The following SUPT6H variants were observed in gnomAD, a reference collection of about 807,000 sequenced individuals.
The protein encoded by SUPT6H is SPT6 homolog, histone chaperone and transcription elongation factor, also known as transcription elongation factor SPT6.
A neutral mutation model predicts 222.3 loss-of-function variants in SUPT6H; 11 were observed. That is an observed-to-expected ratio of 0.05 (90% CI 0.03 to 0.08). The LOEUF is 0.08. Ranked by LOEUF, SUPT6H falls within the 10% of genes least tolerant of loss-of-function variation. The pLI is 1.00. For synonymous variants in SUPT6H, 762 were observed against 801.2 expected, an observed-to-expected ratio of 0.95 and a Z score of 0.83; for missense variants, 1,422 against 2,216.0, an observed-to-expected ratio of 0.64 and a Z score of 7.19.
At chr17:28,700,056 G>C (rs2032070224) in intron 33 of SUPT6H, 117 bp from the exon 34 acceptor site, 2 of 1,489,074 alleles carry the variant, frequency 1.3e-6, no homozygotes, top group Non-Finnish European at 1.9e-6. Context: ...TCCATCCACT[G>C]TGCCTATGCA....
intron 1 of SUPT6H, among the ~76,000 whole-genome samples, chr17:28,665,717 C>G (rs756544590): frequency 1.3e-5 from 2 of 152,068 alleles, no homozygotes; most frequent in South Asian, 2.1e-4. Context: ...GAGCTGAGAT[C>G]GTGCCACTAC....
At chr17:28,670,786 G>A (rs2030364115) in intron 1 of SUPT6H, 1 of 152,310 alleles carries the variant, frequency 6.6e-6, no homozygotes, top group Non-Finnish European at 1.5e-5. Flanking sequence ...TCGGGAGGCT[G>A]AGGCAGGAGA....
chr17:28,672,991 G>A (rs111617508), intron 1 of SUPT6H: 227 of 174,030 alleles, frequency 1.3e-3, no homozygotes, highest in African/African-American at 4.6e-3. Flanking sequence ...TCTCTTCTAA[G>A]AGTACAAAAA....
intron 29 of SUPT6H, among the ~76,000 whole-genome samples, chr17:28,695,812 T>C (rs1453985238): frequency 2.6e-5 from 4 of 152,162 alleles, no homozygotes; most frequent in Admixed American, 6.5e-5. Flanking sequence ...GAACATGTCC[T>C]TCATATCAGC....
At chr17:28,695,014 G>C (rs144798920) in intron 28 of SUPT6H, 18 of 242,332 alleles carry the variant, frequency 7.4e-5, no homozygotes, top group African/African-American at 2.3e-4. Flanking sequence ...AAAAAAGGAG[G>C]GGGGGTGTTG....
chr17:28,699,200 C>T (rs1005089479), intron 32 of SUPT6H, among the ~76,000 whole-genome samples: 1 of 152,190 alleles, frequency 6.6e-6, no homozygotes, highest in Non-Finnish European at 1.5e-5. Flanking sequence ...ACACCCACCC[C>T]ATAGGCTTCA....
chr17:28,692,695 C>T (rs1486437151), intron 27 of SUPT6H, among the ~76,000 whole-genome samples: 1 of 147,480 alleles, frequency 6.8e-6, no homozygotes, highest in African/African-American at 2.5e-5. Flanking sequence ...AACCCTATCT[C>T]TACAAAATAA....
intron 11 of SUPT6H, among the ~76,000 whole-genome samples, chr17:28,680,554 C>T (rs898304488): frequency 7.2e-5 from 11 of 152,162 alleles, no homozygotes; most frequent in African/African-American, 2.4e-4. Flanking sequence ...GAAATCACGC[C>T]ATTACACTCC....
chr17:28,697,144 G>C, intron 30 of SUPT6H, 62 bp downstream of exon 30: 1 of 1,491,094 alleles, frequency 6.7e-7, no homozygotes, highest in Non-Finnish European at 9.3e-7. Flanking sequence ...TGCCCTTCAG[G>C]GTGCTTTCAC....
At chr17:28,677,409 G>T (rs1415137781) in intron 7 of SUPT6H, among the ~76,000 whole-genome samples, 1 of 151,576 alleles carries the variant, frequency 6.6e-6, no homozygotes, top group Non-Finnish European at 1.5e-5. Context: ...GCTGGGCGTG[G>T]TGGCGGGCAC....
In SUPT6H at chr17:28,692,940, G is replaced by T. The variant is rs1269695259; in HGVS notation, c.3634-756G>T. 1.3e-5 allele frequency among the ~76,000 whole-genome samples: 2 copies of T among 148,892 alleles called. 1 individual carries two copies. The highest frequency in any genetic ancestry group is 4.4e-4 in the South Asian group (2 of 4,586). On this transcript the variant is annotated intron_variant, in intron 27 of 36. Coordinates refer to ENST00000314616, the MANE Select transcript of SUPT6H (RefSeq NM_003170.5). ...GGCGTGAACCCGGGAGGCAGAGCTT[G>T]CAGTGAGCCAAGATTGTGCCACTGC... is the stretch of plus-strand genomic sequence containing the variant.
intron 12 of SUPT6H, 24 bp from the exon 13 acceptor site, chr17:28,681,858 A>T (rs1200639340): frequency 6.3e-7 from 1 of 1,589,592 alleles, no homozygotes; most frequent in South Asian, 1.2e-5. Context: ...TAGAACCCTA[A>T]ATCTCCCCAT....
intron 27 of SUPT6H, among the ~76,000 whole-genome samples, chr17:28,693,442 A>G (rs1390503756): frequency 6.6e-6 from 1 of 152,178 alleles, no homozygotes; most frequent in Non-Finnish European, 1.5e-5. Context: ...AGCCTGGGCA[A>G]CAGAGCAAGA....
Position 28,676,184 on chromosome 17 carries a change from C to T in SUPT6H, c.651C>T (p.Phe217=), listed in dbSNP as rs755043767. The change falls in exon 7 of 37, where the codon TTC becomes TTT. Residue 217 remains phenylalanine (F), a synonymous_variant. Coordinates refer to ENST00000314616, the MANE Select transcript of SUPT6H (RefSeq NM_003170.5). ...CCCTGCAAGAAGCCCAGGAAATCTT[C>T]GGTGTGGACTTTGACTATGATGAAT... The part of the protein sequence containing the change: ...DAALQEAQEI[F]GVDFDYDEFE... 12 of 1,601,454 alleles carry T rather than the reference C, an allele frequency of 7.5e-6. No individual in the cohort carries two copies. In the South Asian group the frequency reaches 7.8e-5, roughly 10 times the overall value.
intron 8 of SUPT6H, 24 bp from the exon 9 acceptor site, chr17:28,678,052 T>C: frequency 6.3e-7 from 1 of 1,596,464 alleles, no homozygotes; most frequent in Non-Finnish European, 8.6e-7. Flanking sequence ...ATTGTCTTGC[T>C]ATTTCTTTAT....
At chr17:28,669,840 G>A (rs1264628192) in intron 1 of SUPT6H, among the ~76,000 whole-genome samples, 2 of 152,252 alleles carry the variant, frequency 1.3e-5, no homozygotes, top group African/African-American at 2.4e-5. Context: ...GGAGGCTGAG[G>A]CAAGAGAATC....
Position 28,673,949 on chromosome 17 carries a change from C to CA in SUPT6H, c.110-326dup, listed in dbSNP as rs1164062735. 1.9e-4 allele frequency among the ~76,000 whole-genome samples: 29 copies of CA among 150,516 alleles called. 1 individual carries two copies. The East Asian group carries it at 4.7e-3, about 24-fold the overall frequency. ...ACAAGTTTTATCAAAGGAATTATGG[C>CA]AAAAAAAAGGAATATAGCTGCTGAG... On this transcript the variant is annotated intron_variant, in intron 2 of 36. Coordinates refer to ENST00000314616, the MANE Select transcript of SUPT6H (RefSeq NM_003170.5).
intron 32 of SUPT6H, among the ~76,000 whole-genome samples, chr17:28,699,271 G>A (rs573220431): frequency 2.6e-5 from 4 of 152,264 alleles, no homozygotes; most frequent in South Asian, 2.1e-4. Context: ...TTGGTGCAGC[G>A]TGTCATATGT....
intron 24 of SUPT6H, 127 bp from the exon 25 acceptor site, chr17:28,689,227 G>T: frequency 1.3e-6 from 1 of 768,476 alleles, no homozygotes; most frequent in Non-Finnish European, 2.1e-6. Context: ...TCTTGTTAAT[G>T]GCTGTATAGT....
Sources: gnomAD v4.1 joint callset for allele counts (sites outside exome capture counted in the v4.1 genomes callset) on GRCh38, gnomAD v4.1.1 for gene constraint, MANE v1.5 for transcripts, NCBI Gene and HGNC (gene_info 2026-07-23, HGNC 2026-07-21) for gene names.